AFG1L: variants seen among roughly 807,000 people sequenced by gnomAD.
The protein encoded by AFG1L is AFG1-like ATPase.
A neutral mutation model predicts 62.2 loss-of-function variants in AFG1L; 53 were observed. The observed-to-expected ratio is 0.85, with a 90% CI of 0.68 to 1.07. The LOEUF (loss-of-function observed/expected upper bound fraction) is 1.07. AFG1L is among the 50% of genes least tolerant of loss of function. AFG1L has a pLI of 0.00. For missense variants in AFG1L, 555 were observed against 590.5 expected, an observed-to-expected ratio of 0.94 and a Z score of 0.62; for synonymous variants, 228 against 210.3, an observed-to-expected ratio of 1.08 and a Z score of -0.73.
chr6:108,448,235 A>G (rs921258603), intron 8 of AFG1L, among the ~76,000 whole-genome samples: 2 of 152,202 alleles, frequency 1.3e-5, no homozygotes, highest in Admixed American at 6.5e-5. Flanking sequence ...ATTTGTCCTC[A>G]AGTACTTTGT....
intron 10 of AFG1L, among the ~76,000 whole-genome samples, chr6:108,478,661 A>G (rs999276254): frequency 7.9e-5 from 12 of 152,206 alleles, no homozygotes; most frequent in African/African-American, 2.9e-4. Flanking sequence ...AAGGAAAATA[A>G]ACTTGAGAAG....
intron 6 of AFG1L, among the ~76,000 whole-genome samples, chr6:108,399,178 G>GTTTTTTTTTTTTT (rs57304886): frequency 3.2e-5 from 2 of 62,228 alleles, no homozygotes; most frequent in African/African-American, 1.3e-4. Context: ...TCTTTTGTTT[G>GTTTTTTTTTTTTT]TTTTTTTTTT....
At chr6:108,452,775 GA>G (rs1418001935) in intron 8 of AFG1L, among the ~76,000 whole-genome samples, 1 of 152,186 alleles carries the variant, frequency 6.6e-6, no homozygotes, top group East Asian at 1.9e-4. Flanking sequence ...TAGTCCCATG[GA>G]GTGGAGGGGA....
At chr6:108,499,236 G>A (rs1036128861) in intron 10 of AFG1L, among the ~76,000 whole-genome samples, 1 of 151,098 alleles carries the variant, frequency 6.6e-6, no homozygotes. Context: ...ATGTGGCTAA[G>A]TTTTGTATTA....
intron 7 of AFG1L, among the ~76,000 whole-genome samples, chr6:108,404,936 G>A (rs932940464): frequency 1.3e-5 from 2 of 151,926 alleles, no homozygotes; most frequent in East Asian, 1.9e-4. Flanking sequence ...CACCATGTTG[G>A]CCAGGCTGGT....
At chr6:108,393,804 T>C (rs1781169388) in intron 6 of AFG1L, among the ~76,000 whole-genome samples, 1 of 152,174 alleles carries the variant, frequency 6.6e-6, no homozygotes, top group East Asian at 1.9e-4. Flanking sequence ...ACTAATTATA[T>C]GTATGGCTTT....
intron 1 of AFG1L, chr6:108,319,792 G>A (rs1777749681): frequency 2.3e-6 from 1 of 436,174 alleles, no homozygotes; most frequent in Admixed American, 2.4e-5. Context: ...AAAAAATTAG[G>A]TATTATTTAT....
Position 108,514,436 on chromosome 6 carries a change from C to G in AFG1L, c.1203+4084C>G, listed in dbSNP as rs1774795318. On this transcript the variant is annotated intron_variant, in intron 11 of 12. Coordinates refer to ENST00000368977, the MANE Select transcript of AFG1L (RefSeq NM_145315.5). The stretch of plus-strand genomic sequence containing the variant: ...AAGGAGAAATAAAATCCTTTACAGA[C>G]AAGCAAATGCTGAGAGATTTTGTCA... 3.3e-5 allele frequency among the ~76,000 whole-genome samples: 5 copies of G among 151,908 alleles called. No homozygotes were observed. The South Asian group carries it at 1.0e-3, about 31-fold the overall frequency.
At chr6:108,452,168 G>A (rs529963909) in intron 8 of AFG1L, among the ~76,000 whole-genome samples, 1 of 152,264 alleles carries the variant, frequency 6.6e-6, no homozygotes, top group Non-Finnish European at 1.5e-5. Context: ...CTGATCAAGG[G>A]TGACCCCATC....
At position 108,295,183 on chromosome 6, in the gene AFG1L, C is replaced by T. The variant is rs1249326870; in HGVS notation, c.104C>T (p.Pro35Leu). ...GGGGCCTGGGCCGCCGCTCTCGCTCCTCTGGCCACCGCCCCTGGGAAGCCC... is the reference window on the plus strand; with the variant it reads ...GGGGCCTGGGCCGCCGCTCTCGCTCTTCTGGCCACCGCCCCTGGGAAGCCC... ...GCGAWAAALA[P>L]LATAPGKPFW... The change falls in exon 1 of 13, where the codon CCT becomes CTT. Residue 35 changes from proline to leucine, a missense_variant. By Grantham distance (98) the Pro-to-Leu change is moderately conservative (BLOSUM62 -3). Coordinates refer to ENST00000368977, the MANE Select transcript of AFG1L (RefSeq NM_145315.5). The T allele has an allele frequency of 6.2e-7, 1 of 1,607,218 alleles. No individual in the cohort carries two copies. The highest frequency in any genetic ancestry group is 2.2e-5 in the East Asian group (1 of 44,880).
At chr6:108,500,145 G>T (rs1774128654) in intron 10 of AFG1L, among the ~76,000 whole-genome samples, 1 of 149,750 alleles carries the variant, frequency 6.7e-6, no homozygotes, top group African/African-American at 2.5e-5. Flanking sequence ...TCTTTTTTAT[G>T]GCTGTGTAGT....
intron 1 of AFG1L, among the ~76,000 whole-genome samples, chr6:108,313,305 G>A (rs575403474): frequency 6.6e-6 from 1 of 152,216 alleles, no homozygotes; most frequent in South Asian, 2.1e-4. Flanking sequence ...TTGCCTCTCT[G>A]TGCCTCAGTT....
chr6:108,457,950 A>G lies in AFG1L; in HGVS notation c.890+10654A>G, dbSNP rs537947427. 1.2e-3 allele frequency among the ~76,000 whole-genome samples: 177 copies of G among 148,318 alleles called. 1 individual carries two copies. Among genetic ancestry groups the G allele is most frequent in the Middle Eastern group, 3.4e-3 (1 of 290 alleles). Reference sequence around the variant, plus strand: ...CTTCCTTCCTTCACTTTTTCTCTATAGTACTTTGGCGATGTTGCTTTCTTC... The same window carrying G: ...CTTCCTTCCTTCACTTTTTCTCTATGGTACTTTGGCGATGTTGCTTTCTTC... On this transcript the variant is annotated intron_variant, in intron 8 of 12. Coordinates refer to ENST00000368977, the MANE Select transcript of AFG1L (RefSeq NM_145315.5).
intron 2 of AFG1L, among the ~76,000 whole-genome samples, chr6:108,343,868 G>A (rs899636429): frequency 6.6e-6 from 1 of 152,196 alleles, no homozygotes; most frequent in Non-Finnish European, 1.5e-5. Context: ...CTTTTGTCTG[G>A]CCTAGACCAT....
At chr6:108,387,900 ATTTT>A (rs1780843672) in intron 6 of AFG1L, 1 of 152,028 alleles carries the variant, frequency 6.6e-6, no homozygotes, top group African/African-American at 2.4e-5. Flanking sequence ...AGCAGCTAGA[ATTTT>A]TTTATTTATT....
At chr6:108,344,256 G>T (rs940058457) in intron 2 of AFG1L, among the ~76,000 whole-genome samples, 1 of 152,054 alleles carries the variant, frequency 6.6e-6, no homozygotes, top group Non-Finnish European at 1.5e-5. Context: ...GAGATTATAG[G>T]CATGCACCAC....
At chr6:108,453,267 A>G (rs890659807) in intron 8 of AFG1L, among the ~76,000 whole-genome samples, 1 of 152,220 alleles carries the variant, frequency 6.6e-6, no homozygotes, top group Admixed American at 6.5e-5. Context: ...TTTTAGATAC[A>G]GCCCAAATAT....
intron 8 of AFG1L, among the ~76,000 whole-genome samples, chr6:108,448,962 A>G (rs555410969): frequency 6.6e-6 from 1 of 152,072 alleles, no homozygotes; most frequent in East Asian, 1.9e-4. Flanking sequence ...CCAGCTGGGC[A>G]ACATAGGGAG....
At chr6:108,346,329 C>T (rs1239292259) in intron 2 of AFG1L, among the ~76,000 whole-genome samples, 1 of 152,070 alleles carries the variant, frequency 6.6e-6, no homozygotes, top group Non-Finnish European at 1.5e-5. Context: ...ATTCCCCATT[C>T]CTTCCTCCCT....
Sources: allele counts gnomAD v4.1 joint callset (sites outside exome capture counted in the v4.1 genomes callset), GRCh38; gene constraint gnomAD v4.1.1; transcripts MANE v1.5; gene names NCBI Gene and HGNC (gene_info 2026-07-23, HGNC 2026-07-21).